FOXK2: variants seen among roughly 807,000 people sequenced by gnomAD.
The protein encoded by FOXK2 is forkhead box K2, also known as forkhead box protein K2.
FOXK2 carries 24 observed loss-of-function variants against 53.3 expected under a neutral mutation model. The ratio of observed to expected loss-of-function variants is 0.45; its 90% confidence interval spans 0.33 to 0.63. The LOEUF is 0.63. Ranked by LOEUF, FOXK2 falls within the 30% of genes least tolerant of loss-of-function variation. The pLI, the probability that FOXK2 is intolerant of heterozygous loss-of-function variation, is 0.03. For synonymous variants in FOXK2, 505 were observed against 407.1 expected (o/e 1.24, Z -2.89); for missense variants, 952 against 910.5 (o/e 1.05, Z -0.59).
Position 82,586,080 on chromosome 17 carries a change from G to A in FOXK2, c.1456G>A (p.Ala486Thr), listed in dbSNP as rs1271936368. 1 of 1,612,796 alleles carries A rather than the reference G, an allele frequency of 6.2e-7. No individual in the cohort carries two copies. The highest frequency in any genetic ancestry group is 2.2e-5 in the East Asian group (1 of 44,884). ...CCCAGCGGTGTCGGTCACCAGTGTG[G>A]CCGGACTGGCCCCAGCGAACACGTA... is the stretch of plus-strand genomic sequence containing the variant. ...QIPAVSVTSV[A>T]GLAPANTYTV... The change falls in exon 7 of 9, where the codon GCC becomes ACC. Residue 486 changes from alanine to threonine, a missense_variant. This residue lies in a region of FOXK2 where 551 missense variants were observed against 385.1 expected (regional missense o/e 1.43). Coordinates refer to ENST00000335255, the MANE Select transcript of FOXK2 (RefSeq NM_004514.4).
chr17:82,571,504 G>A (rs2044917768), intron 3 of FOXK2, among the ~76,000 whole-genome samples: 1 of 152,132 alleles, frequency 6.6e-6, no homozygotes, highest in African/African-American at 2.4e-5. Flanking sequence ...GGGAGGCTGA[G>A]GCAGGAGAAC....
chr17:82,522,451 C>G (rs1213676696), intron 1 of FOXK2, among the ~76,000 whole-genome samples: 1 of 151,224 alleles, frequency 6.6e-6, no homozygotes, highest in Non-Finnish European at 1.5e-5. Flanking sequence ...TCACTGCAAG[C>G]TATGCCTCCC....
chr17:82,558,447 C>T (rs1418888385), intron 1 of FOXK2, among the ~76,000 whole-genome samples: 1 of 152,234 alleles, frequency 6.6e-6, no homozygotes, highest in African/African-American at 2.4e-5. Flanking sequence ...GTGCGTAACT[C>T]TACGGAGAAG....
At chr17:82,532,924 A>AT (rs1283075451) in intron 1 of FOXK2, among the ~76,000 whole-genome samples, 2 of 152,004 alleles carry the variant, frequency 1.3e-5, no homozygotes, top group South Asian at 2.1e-4. Flanking sequence ...TAAAATTATT[A>AT]TTTTTTTCTT....
intron 3 of FOXK2, among the ~76,000 whole-genome samples, chr17:82,569,459 C>T (rs572650839): frequency 2.6e-5 from 4 of 152,240 alleles, no homozygotes; most frequent in Admixed American, 6.5e-5. Flanking sequence ...TAATGGTGGC[C>T]TCTTGGAGAA....
chr17:82,593,443 T>G (rs8081532), intron 8 of FOXK2: 125,409 of 151,960 alleles, frequency 0.83, 51,850 homozygotes, highest in Middle Eastern at 0.9. Flanking sequence ...CGCGCCCCCC[T>G]GGCGGAGCCC....
Position 82,586,193 on chromosome 17 carries a change from A to G in FOXK2, c.1569A>G (p.Glu523=), listed in dbSNP as rs111835668. 9,612 of 1,543,816 alleles carry G rather than the reference A, an allele frequency of 6.2e-3. 151 individuals carry two copies. Among genetic ancestry groups the G allele is most frequent in the South Asian group, 0.042 (3,344 of 80,478 alleles). Residue 523 remains glutamate, a synonymous_variant, in exon 7 of 9, where the codon GAA becomes GAG. Transcript: ENST00000335255. The stretch of plus-strand genomic sequence containing the variant: ...CCCAGGAGAATGGAGACCACAGGGA[A>G]GTCAAAGGTAGGCGGAGGGGAAAGG... ...AEAQENGDHR[E]VKVKVEPIPA...
intron 6 of FOXK2, 116 bp from the exon 7 acceptor site, chr17:82,585,787 GC>G: frequency 1.0e-6 from 1 of 993,508 alleles, no homozygotes; most frequent in Non-Finnish European, 1.5e-6. Flanking sequence ...GTGAAATAGG[GC>G]CATATCCTAT....
At chr17:82,551,339 AT>A (rs1482563975) in intron 1 of FOXK2, among the ~76,000 whole-genome samples, 6 of 142,026 alleles carry the variant, frequency 4.2e-5, no homozygotes, top group African/African-American at 1.6e-4. Flanking sequence ...TAAAAAAAAA[AT>A]AAAAATAAAC....
At chr17:82,534,492 G>A (rs2044502134) in intron 1 of FOXK2, among the ~76,000 whole-genome samples, 1 of 152,208 alleles carries the variant, frequency 6.6e-6, no homozygotes, top group East Asian at 1.9e-4. Context: ...TGCAGAGCAT[G>A]TGCACAGACC....
chr17:82,562,499 G>C (rs2044807542), intron 1 of FOXK2, among the ~76,000 whole-genome samples: 2 of 151,980 alleles, frequency 1.3e-5, no homozygotes, highest in South Asian at 4.1e-4. Flanking sequence ...AGAATCGCTT[G>C]AACCTGGGAG....
At chr17:82,569,005 C>G (rs1200768116) in intron 3 of FOXK2, among the ~76,000 whole-genome samples, 1 of 152,066 alleles carries the variant, frequency 6.6e-6, no homozygotes, top group Non-Finnish European at 1.5e-5. Flanking sequence ...GAGTGAGCTC[C>G]TGTTTCAAAA....
chr17:82,532,519 A>G (rs1054937650), intron 1 of FOXK2, among the ~76,000 whole-genome samples: 3 of 147,282 alleles, frequency 2.0e-5, no homozygotes, highest in African/African-American at 4.8e-5. Context: ...TTAACATACT[A>G]TAATTTTTTT....
intron 1 of FOXK2, among the ~76,000 whole-genome samples, chr17:82,544,768 G>C (rs1362642897): frequency 6.6e-6 from 1 of 152,088 alleles, no homozygotes; most frequent in Non-Finnish European, 1.5e-5. Context: ...CGCTGTGGGA[G>C]GGGTGTGCAG....
At chr17:82,555,279 A>G (rs995880536) in intron 1 of FOXK2, among the ~76,000 whole-genome samples, 106 of 152,302 alleles carry the variant, frequency 7.0e-4, no homozygotes, top group African/African-American at 2.5e-3. Flanking sequence ...CACTGAGCTC[A>G]TTGCCCTGCA....
In FOXK2 at chr17:82,563,563, A is replaced by T; in HGVS notation, c.614+15A>T. On this transcript the variant is annotated intron_variant, in intron 2 of 8. Coordinates refer to ENST00000335255, the MANE Select transcript of FOXK2 (RefSeq NM_004514.4). The stretch of plus-strand genomic sequence containing the variant: ...GGAACCATCAGGTGCGGCCATGGGG[A>T]TGGGGGACTGGAGCATCCTTAGTCC... 6.2e-7 allele frequency: 1 copy of T among 1,607,638 alleles called. No homozygotes were observed. Among genetic ancestry groups the T allele is most frequent in the Non-Finnish European group, 8.5e-7 (1 of 1,176,876 alleles).
intron 1 of FOXK2, among the ~76,000 whole-genome samples, chr17:82,550,274 CACTTG>C (rs1000995640): frequency 4.6e-5 from 7 of 152,150 alleles, no homozygotes; most frequent in Admixed American, 3.3e-4. Context: ...TTTAATTTGC[CACTTG>C]ACTTCAAGCT....
At chr17:82,525,432 G>A (rs2044408047) in intron 1 of FOXK2, among the ~76,000 whole-genome samples, 1 of 152,086 alleles carries the variant, frequency 6.6e-6, no homozygotes, top group African/African-American at 2.4e-5. Flanking sequence ...GCCCACCTCG[G>A]CCTCCCAAAG....
In FOXK2 at chr17:82,540,279, CAAAA is replaced by C. The variant is rs77390515; in HGVS notation, c.419+19983_419+19986del. 6.7e-5 allele frequency among the ~76,000 whole-genome samples: 9 copies of C among 133,632 alleles called. No homozygotes were observed. In the Admixed American group the frequency reaches 6.8e-4, roughly 10 times the overall value. 87.7% of individuals were successfully genotyped at this position (133,632 alleles called of 152,430 possible). ...CTGGGCAACAAGAGCGAAACTGTCT[CAAAA>C]AAAAAAAAAAGAGTTACCTTTCAGA... On this transcript the variant is annotated intron_variant, in intron 1 of 8. Transcript: ENST00000335255.
Sources: gnomAD v4.1 joint callset for allele counts (sites outside exome capture counted in the v4.1 genomes callset) on GRCh38, gnomAD v4.1.1 for gene constraint, gnomAD v4.1.1 regional missense constraint, MANE v1.5 for transcripts, NCBI Gene and HGNC (gene_info 2026-07-23, HGNC 2026-07-21) for gene names.